Variants in CA1 observed in about 807,000 individuals in gnomAD.
CA1 encodes carbonic anhydrase 1.
Under a neutral mutation model 28.8 loss-of-function variants are expected in CA1, and 27 were observed. That is an observed-to-expected ratio of 0.94 (90% CI 0.69 to 1.29). CA1 has a LOEUF of 1.29. CA1 is among the 50% of genes most tolerant of loss of function. The pLI, the probability that CA1 is intolerant of heterozygous loss-of-function variation, is 0.00. For synonymous variants in CA1, 121 were observed against 108.8 expected (o/e 1.11, Z -0.70); for missense variants, 335 against 310.5 (o/e 1.08, Z -0.59).
chr8:85,356,905 A>G (rs1362642364), intron 1 of CA1, among the ~76,000 whole-genome samples: 2 of 152,196 alleles, frequency 1.3e-5, no homozygotes, highest in Non-Finnish European at 2.9e-5. Context: ...GACAAACATA[A>G]TTTATTATTA....
intron 3 of CA1, 192 bp from the exon 4 acceptor site, chr8:85,337,255 C>T: frequency 1.7e-6 from 1 of 590,050 alleles, no homozygotes; most frequent in Non-Finnish European, 3.1e-6. Context: ...CTGACTGTGG[C>T]ATTGATGAGC....
At chr8:85,335,024 G>C (rs111715144) in intron 4 of CA1, among the ~76,000 whole-genome samples, 1 of 106,820 alleles carries the variant, frequency 9.4e-6, no homozygotes, top group African/African-American at 3.9e-5. Context: ...AAAAAATAAA[G>C]ACAGTATCTG....
chr8:85,367,643 G>A (rs576867375), intron 1 of CA1, among the ~76,000 whole-genome samples: 32 of 152,322 alleles, frequency 2.1e-4, no homozygotes, highest in African/African-American at 7.7e-4. Context: ...GTCTGGGATG[G>A]AAGCTGAGAA....
chr8:85,331,375 G>A (rs1285687973), intron 6 of CA1, among the ~76,000 whole-genome samples: 1 of 150,616 alleles, frequency 6.6e-6, no homozygotes, highest in Non-Finnish European at 1.5e-5. Flanking sequence ...CTTTTTTGTT[G>A]TTCTTCCAAA....
chr8:85,377,515 T>C (rs1330685498), intron 1 of CA1, among the ~76,000 whole-genome samples: 1 of 152,202 alleles, frequency 6.6e-6, no homozygotes, highest in African/African-American at 2.4e-5. Flanking sequence ...TAAATGGTAA[T>C]TTATATTGGC....
At chr8:85,361,431 C>CTTTGGGAAGT (rs1176671629) in intron 1 of CA1, among the ~76,000 whole-genome samples, 1 of 152,184 alleles carries the variant, frequency 6.6e-6, no homozygotes, top group Non-Finnish European at 1.5e-5. Flanking sequence ...AATCTCAGCA[C>CTTTGGGAAGT]TTTGGGAAGC....
In CA1 at chr8:85,344,301, T is replaced by A. The variant is rs575195503; in HGVS notation, c.-24-2642A>T. Among the ~76,000 whole-genome samples, 227 of 51,102 alleles carry A rather than the reference T, an allele frequency of 4.4e-3. 10 individuals are homozygous for A. The South Asian group carries it at 0.077, about 17-fold the overall frequency. 33.5% of individuals were successfully genotyped at this position (51,102 alleles called of 152,430 possible). On this transcript the variant is annotated intron_variant, in intron 1 of 7. Coordinates refer to ENST00000523022, the MANE Select transcript of CA1 (RefSeq NM_001128831.4). ...TATATATTATATACAGTATATAATA[T>A]AATTATATATTATACAGTATATAAT...
chr8:85,372,173 T>C (rs1810252674), intron 1 of CA1, among the ~76,000 whole-genome samples: 1 of 152,058 alleles, frequency 6.6e-6, no homozygotes. Flanking sequence ...ATGGACCATA[T>C]GCCATGGTAG....
intron 1 of CA1, among the ~76,000 whole-genome samples, chr8:85,344,246 A>ATATTATATACAGTATATAATATATAAT (rs1809066743): frequency 1.1e-5 from 1 of 90,520 alleles, no homozygotes; most frequent in East Asian, 2.9e-4. Context: ...ATATATAATT[A>ATATTATATACAGTATATAATATATAAT]TATATTATAT....
At chr8:85,349,286 A>G (rs1809318042) in intron 1 of CA1, among the ~76,000 whole-genome samples, 1 of 152,148 alleles carries the variant, frequency 6.6e-6, no homozygotes, top group Non-Finnish European at 1.5e-5. Flanking sequence ...CAGTATTTCC[A>G]TTTCAAAAGG....
chr8:85,338,804 C>G (rs1391882466), intron 2 of CA1, among the ~76,000 whole-genome samples: 1 of 151,100 alleles, frequency 6.6e-6, no homozygotes, highest in African/African-American at 2.4e-5. Context: ...ACCTCTGCCT[C>G]CCAAGCTCAA....
intron 2 of CA1, among the ~76,000 whole-genome samples, chr8:85,340,594 G>A (rs1248801420): frequency 6.6e-6 from 1 of 152,162 alleles, no homozygotes; most frequent in Non-Finnish European, 1.5e-5. Context: ...ACTTTGTAAG[G>A]CTGTAGTTCC....
rs112294939 is a variant in CA1, at chr8:85,359,426, G to A, written c.-24-17767C>T. 4.3e-3 allele frequency among the ~76,000 whole-genome samples: 652 copies of A among 152,262 alleles called. 5 individuals carry two copies. Among genetic ancestry groups the A allele is most frequent in the African/African-American group, 0.015 (611 of 41,540 alleles). ...GATCTATGAGTCAGTGACTTCATTC[G>A]GTGGATGAGTCCTAGGGAAATTCAA... On this transcript the variant is annotated intron_variant, in intron 1 of 7. Coordinates refer to ENST00000523022, the MANE Select transcript of CA1 (RefSeq NM_001128831.4).
At chr8:85,376,960 T>C (rs1367804242) in intron 1 of CA1, among the ~76,000 whole-genome samples, 1 of 152,154 alleles carries the variant, frequency 6.6e-6, no homozygotes, top group African/African-American at 2.4e-5. Flanking sequence ...TCTCTTTATT[T>C]GCATAAGTGG....
At chr8:85,360,692 AAAT>A (rs1304465189) in intron 1 of CA1, among the ~76,000 whole-genome samples, 1 of 152,200 alleles carries the variant, frequency 6.6e-6, no homozygotes, top group African/African-American at 2.4e-5. Context: ...GTCTCTAAAT[AAAT>A]AAATATATAA....
intron 1 of CA1, among the ~76,000 whole-genome samples, chr8:85,367,741 G>A (rs1810064367): frequency 6.6e-6 from 1 of 152,134 alleles, no homozygotes; most frequent in Non-Finnish European, 1.5e-5. Context: ...AATATTCCTT[G>A]TATACCCTTT....
intron 1 of CA1, among the ~76,000 whole-genome samples, chr8:85,357,249 G>A (rs1167748681): frequency 6.6e-6 from 1 of 152,188 alleles, no homozygotes; most frequent in African/African-American, 2.4e-5. Context: ...AAGAGACAGT[G>A]GAGCTGTATT....
intron 2 of CA1, among the ~76,000 whole-genome samples, chr8:85,338,690 TTC>T (rs1808782909): frequency 1.8e-5 from 2 of 111,876 alleles, no homozygotes; most frequent in African/African-American, 3.4e-5. Flanking sequence ...CTTTCCTTCT[TTC>T]TCTCTCTCTC....
chr8:85,332,879 A>ATAT (rs1418741048), intron 5 of CA1, among the ~76,000 whole-genome samples: 19 of 152,300 alleles, frequency 1.2e-4, no homozygotes, highest in Admixed American at 1.2e-3. Flanking sequence ...TTGGTCTGTT[A>ATAT]TATTAGTTTT....
Sources: gnomAD v4.1 joint callset for allele counts (sites outside exome capture counted in the v4.1 genomes callset) on GRCh38, gnomAD v4.1.1 for gene constraint, MANE v1.5 for transcripts, NCBI Gene and HGNC (gene_info 2026-07-23, HGNC 2026-07-21) for gene names.